TSHZ2: variants seen among roughly 807,000 people sequenced by gnomAD.
TSHZ2 encodes teashirt homolog 2.
In TSHZ2, 21 loss-of-function variants were observed where a neutral mutation model predicts 74.4. That is an observed-to-expected ratio of 0.28 (90% CI 0.20 to 0.41). The LOEUF is 0.41. Ranked by LOEUF, TSHZ2 falls within the 10% of genes least tolerant of loss-of-function variation. The pLI, the probability that TSHZ2 is intolerant of heterozygous loss-of-function variation, is 1.00. For missense variants in TSHZ2, 1,244 were observed against 1,293.5 expected, an observed-to-expected ratio of 0.96 and a Z score of 0.59; for synonymous variants, 540 against 515.3, an observed-to-expected ratio of 1.05 and a Z score of -0.65.
chr20:53,126,768 G>A (rs1480061520), intron 1 of TSHZ2, among the ~76,000 whole-genome samples: 1 of 152,168 alleles, frequency 6.6e-6, no homozygotes, highest in Non-Finnish European at 1.5e-5. Flanking sequence ...TATAGCGCGA[G>A]GTAGTCATTT....
intron 2 of TSHZ2, among the ~76,000 whole-genome samples, chr20:53,452,814 G>A (rs534393103): frequency 1.3e-4 from 20 of 152,326 alleles, no homozygotes; most frequent in African/African-American, 2.9e-4. Flanking sequence ...TCAGACATGA[G>A]TTCTGCCTGT....
intron 1 of TSHZ2, among the ~76,000 whole-genome samples, chr20:53,096,888 ACAAAAAAACCCAAAAAC>A (rs1040682747): frequency 5.3e-5 from 8 of 152,040 alleles, no homozygotes; most frequent in Non-Finnish European, 1.0e-4. Flanking sequence ...ATTAAAACAA[ACAAAAAAACCCAAAAAC>A]CAAAAAAAAC....
chr20:53,431,469 A>AAG (rs1262501892), intron 2 of TSHZ2, among the ~76,000 whole-genome samples: 2 of 151,234 alleles, frequency 1.3e-5, no homozygotes, highest in Admixed American at 1.3e-4. Context: ...AAAAAAAAAA[A>AAG]AAGAAGAAGA....
intron 2 of TSHZ2, among the ~76,000 whole-genome samples, chr20:53,369,346 A>G (rs1322094764): frequency 6.6e-6 from 1 of 152,156 alleles, no homozygotes; most frequent in Non-Finnish European, 1.5e-5. Context: ...TTGCATGAAT[A>G]GAGGAGGAGG....
At chr20:53,318,532 C>T (rs980858613) in intron 2 of TSHZ2, among the ~76,000 whole-genome samples, 1 of 152,136 alleles carries the variant, frequency 6.6e-6, no homozygotes, top group South Asian at 2.1e-4. Context: ...TAGGACAGGG[C>T]AAGCAGGTAC....
chr20:53,374,146 C>T (rs1202758409), intron 2 of TSHZ2, among the ~76,000 whole-genome samples: 2 of 152,150 alleles, frequency 1.3e-5, no homozygotes, highest in South Asian at 2.1e-4. Flanking sequence ...ACCCTCCTCC[C>T]TTCACCCTCC....
chr20:53,167,618 C>A (rs1007348493), intron 1 of TSHZ2, among the ~76,000 whole-genome samples: 1 of 151,960 alleles, frequency 6.6e-6, no homozygotes, highest in Non-Finnish European at 1.5e-5. Context: ...TAATAAGGGA[C>A]TCTAGGTATT....
intron 1 of TSHZ2, among the ~76,000 whole-genome samples, chr20:53,182,340 C>T (rs1393211176): frequency 6.6e-6 from 1 of 152,012 alleles, no homozygotes; most frequent in Non-Finnish European, 1.5e-5. Context: ...ATTATGGCTC[C>T]AGCATGGTTT....
chr20:53,408,801 C>G (rs1982939783), intron 2 of TSHZ2, among the ~76,000 whole-genome samples: 1 of 152,232 alleles, frequency 6.6e-6, no homozygotes, highest in Admixed American at 6.5e-5. Context: ...GTATCTTTCA[C>G]TCTGTATATC....
At chr20:53,272,639 C>T (rs1315641026) in intron 2 of TSHZ2, among the ~76,000 whole-genome samples, 1 of 152,130 alleles carries the variant, frequency 6.6e-6, no homozygotes, top group Non-Finnish European at 1.5e-5. Flanking sequence ...AACATAAGCC[C>T]AGTGCAAATG....
At chr20:53,417,124 C>T (rs1284638541) in intron 2 of TSHZ2, among the ~76,000 whole-genome samples, 3 of 151,902 alleles carry the variant, frequency 2.0e-5, no homozygotes, top group African/African-American at 7.3e-5. Flanking sequence ...CTCCTAGGAG[C>T]CAAAGACTCC....
intron 2 of TSHZ2, among the ~76,000 whole-genome samples, chr20:53,395,392 T>C (rs563715585): frequency 2.0e-5 from 3 of 152,352 alleles, no homozygotes; most frequent in Non-Finnish European, 2.9e-5. Flanking sequence ...TCAAGGAGCC[T>C]GCATCAGTCT....
intron 1 of TSHZ2, among the ~76,000 whole-genome samples, chr20:52,981,345 C>G (rs1017557287): frequency 6.6e-6 from 1 of 152,112 alleles, no homozygotes; most frequent in Admixed American, 6.5e-5. Context: ...CTTATTCGGC[C>G]GCGTAAACTT....
At chr20:53,345,961 G>A (rs1568878511) in intron 2 of TSHZ2, among the ~76,000 whole-genome samples, 3 of 152,142 alleles carry the variant, frequency 2.0e-5, no homozygotes, top group South Asian at 2.1e-4. Context: ...GACCCACTCC[G>A]AGGACAGGGA....
At chr20:53,275,977 G>A (rs560807840) in intron 2 of TSHZ2, among the ~76,000 whole-genome samples, 2 of 152,270 alleles carry the variant, frequency 1.3e-5, no homozygotes, top group East Asian at 3.9e-4. Context: ...TCTACATTGT[G>A]TATATCAAAA....
At position 53,471,242 on chromosome 20, in the gene TSHZ2, T is replaced by A. The variant is rs181257960; in HGVS notation, c.*9-15902T>A. Among the ~76,000 whole-genome samples the A allele has an allele frequency of 3.6e-4, 55 of 152,340 alleles. 1 individual carries two copies. Among genetic ancestry groups the A allele is most frequent in the Admixed American group, 3.1e-3 (47 of 15,304 alleles). ...TTTTTTTTCTTTTGTATTGTTTTAG[T>A]GATAAATACTTTAAAACCCTTCATG... On this transcript the variant is annotated intron_variant, in intron 2 of 2. Coordinates refer to ENST00000371497, the MANE Select transcript of TSHZ2 (RefSeq NM_173485.6).
At chr20:53,151,867 A>G (rs1005537530) in intron 1 of TSHZ2, among the ~76,000 whole-genome samples, 4 of 152,248 alleles carry the variant, frequency 2.6e-5, no homozygotes, top group Non-Finnish European at 5.9e-5. Flanking sequence ...GAGATGAAGC[A>G]TGATATATAT....
chr20:53,375,046 A>G (rs888762135), intron 2 of TSHZ2, among the ~76,000 whole-genome samples: 2 of 152,154 alleles, frequency 1.3e-5, no homozygotes, highest in African/African-American at 4.8e-5. Flanking sequence ...TGAGAATTAC[A>G]TATACACATG....
At chr20:53,045,095 A>G (rs1002566002) in intron 1 of TSHZ2, among the ~76,000 whole-genome samples, 6 of 152,192 alleles carry the variant, frequency 3.9e-5, no homozygotes, top group African/African-American at 1.4e-4. Context: ...TTAAAACAAC[A>G]AAGATGCATT....
Sources: allele counts gnomAD v4.1 joint callset (sites outside exome capture counted in the v4.1 genomes callset), GRCh38; gene constraint gnomAD v4.1.1; transcripts MANE v1.5; gene names NCBI Gene and HGNC (gene_info 2026-07-23, HGNC 2026-07-21).